Variants in TRPC4 observed in about 807,000 individuals in gnomAD.
The protein encoded by TRPC4 is short transient receptor potential channel 4.
Under a neutral mutation model 99.4 loss-of-function variants are expected in TRPC4, and 49 were observed. The ratio of observed to expected loss-of-function variants is 0.49; its 90% CI spans 0.39 to 0.63. The LOEUF (loss-of-function observed/expected upper bound fraction) is 0.63, where lower values mean the gene tolerates loss of function less well. Ranked by LOEUF, TRPC4 falls within the 20% of genes least tolerant of loss-of-function variation. TRPC4 has a pLI of 0.00. For missense variants in TRPC4, 898 were observed against 1,152.9 expected (o/e 0.78, Z 3.20); for synonymous variants, 454 against 425.9 (o/e 1.07, Z -0.81).
chr13:37,665,112 G>A (rs1408942273), intron 5 of TRPC4, among the ~76,000 whole-genome samples: 1 of 151,968 alleles, frequency 6.6e-6, no homozygotes, highest in Non-Finnish European at 1.5e-5. Context: ...GTGAAACTTG[G>A]ATACTAAACA....
intron 1 of TRPC4, among the ~76,000 whole-genome samples, chr13:37,845,958 A>G (rs916040121): frequency 1.1e-4 from 16 of 152,326 alleles, no homozygotes; most frequent in African/African-American, 2.6e-4. Flanking sequence ...TGGAGGCACA[A>G]TATGGCTTTT....
intron 4 of TRPC4, among the ~76,000 whole-genome samples, chr13:37,675,633 A>G (rs1753973307): frequency 6.6e-6 from 1 of 152,202 alleles, no homozygotes; most frequent in African/African-American, 2.4e-5. Flanking sequence ...AGCCTTGTGG[A>G]AGAGACAGAA....
intron 1 of TRPC4, among the ~76,000 whole-genome samples, chr13:37,837,905 TGGG>T (rs976560515): frequency 6.6e-6 from 1 of 152,110 alleles, no homozygotes; most frequent in African/African-American, 2.4e-5. Context: ...AATTGAATCA[TGGG>T]GGCAAATTTT....
intron 6 of TRPC4, among the ~76,000 whole-genome samples, chr13:37,660,039 T>C (rs1051350934): frequency 3.3e-5 from 5 of 152,138 alleles, no homozygotes; most frequent in Non-Finnish European, 2.9e-5. Flanking sequence ...AATATAAATA[T>C]GGAAGTCATG....
intron 1 of TRPC4, among the ~76,000 whole-genome samples, chr13:37,853,933 AAAT>A (rs968312077): frequency 1.3e-5 from 2 of 152,106 alleles, no homozygotes; most frequent in Admixed American, 6.6e-5. Flanking sequence ...AAGATGTAAA[AAAT>A]AGCCTCAAAA....
intron 4 of TRPC4, among the ~76,000 whole-genome samples, chr13:37,682,267 T>G (rs1953274261): frequency 6.6e-6 from 1 of 152,184 alleles, no homozygotes; most frequent in Non-Finnish European, 1.5e-5. Context: ...CACAGAACAC[T>G]GAGCTTTATG....
intron 1 of TRPC4, among the ~76,000 whole-genome samples, chr13:37,804,812 G>A (rs887108682): frequency 6.6e-6 from 1 of 151,912 alleles, no homozygotes; most frequent in African/African-American, 2.4e-5. Flanking sequence ...CCATTTTGGA[G>A]GTGAGGAAAG....
At position 37,637,062 on chromosome 13, in the gene TRPC4, C is replaced by T; in HGVS notation, c.2775G>A (p.Lys925=). ...TCTCTGACTTGAATGGACACACTCT[C>T]TTTCCTACCTGTAACCCCAGTGTGT... ...NTDTLGLQVG[K]RVCPFKSEKV... The change falls in exon 11 of 11, where the codon AAG becomes AAA. Residue 925 remains lysine (K), a synonymous_variant. Transcript: ENST00000379705. The T allele has an allele frequency of 6.2e-7, 1 of 1,613,802 alleles. No homozygotes were observed. The highest frequency in any genetic ancestry group is 8.5e-7 in the Non-Finnish European group (1 of 1,179,796).
In TRPC4 at chr13:37,642,443, C is replaced by T. The variant is rs567076153; in HGVS notation, c.2080-3144G>A. Among the ~76,000 whole-genome samples, 38 of 152,188 alleles carry T rather than the reference C, an allele frequency of 2.5e-4. 1 individual carries two copies. The South Asian group carries it at 3.9e-3, about 16-fold the overall frequency. Reference sequence around the variant, plus strand: ...ACTCTGATTTGGCATCTCATTTGGTCGAGTTACAGAGCAGAGTCTCCAGGC... The same window carrying T: ...ACTCTGATTTGGCATCTCATTTGGTTGAGTTACAGAGCAGAGTCTCCAGGC... On this transcript the variant is annotated intron_variant, in intron 8 of 10. Coordinates refer to ENST00000379705, the MANE Select transcript of TRPC4 (RefSeq NM_016179.4).
rs1334924536 is a variant in TRPC4, at chr13:37,815,568, C to G, written c.-27-32208G>C. On this transcript the variant is annotated intron_variant, in intron 1 of 10. Transcript: ENST00000379705. ...GGATGTATTCAATAAGAAGACCTAA[C>G]TATTCTAAATATATATGCACCTAAC... Among the ~76,000 whole-genome samples the G allele has an allele frequency of 2.0e-5, 3 of 151,972 alleles. No homozygotes were observed. The East Asian group carries it at 5.8e-4, about 29-fold the overall frequency.
chr13:37,683,983 A>G (rs1303297151), intron 4 of TRPC4, among the ~76,000 whole-genome samples: 1 of 152,226 alleles, frequency 6.6e-6, no homozygotes, highest in Non-Finnish European at 1.5e-5. Context: ...GATATTTGAT[A>G]TAAGGTGGCC....
chr13:37,662,552 A>C lies in TRPC4; in HGVS notation c.1688+864T>G, dbSNP rs530163966. Reference sequence around the variant, plus strand: ...TTATTGACTTTTTTGTTACTTGAGAAATTACCATCCTCTCTTATAGTATAC... The same window carrying C: ...TTATTGACTTTTTTGTTACTTGAGACATTACCATCCTCTCTTATAGTATAC... On this transcript the variant is annotated intron_variant, in intron 6 of 10. Coordinates refer to ENST00000379705, the MANE Select transcript of TRPC4 (RefSeq NM_016179.4). Among the ~76,000 whole-genome samples, 6 of 152,304 alleles carry C rather than the reference A, an allele frequency of 3.9e-5. No homozygotes were observed. The South Asian group carries it at 1.2e-3, about 32-fold the overall frequency.
intron 4 of TRPC4, among the ~76,000 whole-genome samples, chr13:37,683,260 A>C (rs979769014): frequency 2.0e-5 from 3 of 152,012 alleles, no homozygotes; most frequent in Admixed American, 1.3e-4. Context: ...TGGCTTGCTC[A>C]TCTCCCCCTG....
intron 2 of TRPC4, among the ~76,000 whole-genome samples, chr13:37,751,518 A>G (rs1470751004): frequency 6.6e-6 from 1 of 152,074 alleles, no homozygotes; most frequent in African/African-American, 2.4e-5. Context: ...GAAAATTATT[A>G]ATATAAAATG....
chr13:37,859,088 A>C (rs187687713), intron 1 of TRPC4, among the ~76,000 whole-genome samples: 3,068 of 151,726 alleles, frequency 0.02, 45 homozygotes, highest in Non-Finnish European at 0.031. Flanking sequence ...TTAAAAATAA[A>C]AAATATACAA....
At chr13:37,719,480 G>GA (rs150767692) in intron 3 of TRPC4, among the ~76,000 whole-genome samples, 3,338 of 151,440 alleles carry the variant, frequency 0.022, 126 homozygotes, top group African/African-American at 0.076. Flanking sequence ...AATGATACTG[G>GA]AAAAAAAACT....
intron 2 of TRPC4, among the ~76,000 whole-genome samples, chr13:37,753,523 C>T (rs1399704298): frequency 1.3e-5 from 2 of 149,758 alleles, no homozygotes; most frequent in Non-Finnish European, 3.0e-5. Flanking sequence ...TATGATTGCA[C>T]CCTGCCAGAC....
chr13:37,842,399 G>GATCTTAGA lies in TRPC4; in HGVS notation c.-28+27188_-28+27195dup, dbSNP rs1164734720. ...AAAGGAAAAGTATAAATCGGGGGCA[G>GATCTTAGA]ATCTTAGAATAAACACAATTCAAAT... is the stretch of plus-strand genomic sequence containing the variant. On this transcript the variant is annotated intron_variant, in intron 1 of 10. Transcript: ENST00000379705. 2.5e-5 allele frequency among the ~76,000 whole-genome samples: 3 copies of GATCTTAGA among 121,516 alleles called. No homozygotes were observed. In the East Asian group the frequency reaches 7.0e-4, roughly 28 times the overall value. 79.7% of individuals were successfully genotyped at this position (121,516 alleles called of 152,430 possible).
intron 8 of TRPC4, among the ~76,000 whole-genome samples, chr13:37,642,985 C>A (rs142161476): frequency 2.6e-5 from 4 of 152,276 alleles, no homozygotes; most frequent in African/African-American, 9.6e-5. Context: ...CTGCCTCAAT[C>A]TCCCAAAGTG....
Sources: gnomAD v4.1 joint callset for allele counts (sites outside exome capture counted in the v4.1 genomes callset) on GRCh38, gnomAD v4.1.1 for gene constraint, MANE v1.5 for transcripts, NCBI Gene and HGNC (gene_info 2026-07-23, HGNC 2026-07-21) for gene names.